PCDHGA6: variants seen among roughly 807,000 people sequenced by gnomAD.
PCDHGA6 encodes protocadherin gamma subfamily A, 6.
Under a neutral mutation model 60.6 loss-of-function variants are expected in PCDHGA6, and 41 were observed. The ratio of observed to expected loss-of-function variants is 0.68; its 90% CI spans 0.53 to 0.88. PCDHGA6 has a LOEUF of 0.88. Among genes scored for constraint, PCDHGA6 ranks in the 40% least tolerant of loss-of-function variants. The pLI is 0.00. For synonymous variants in PCDHGA6, 594 were observed against 524.4 expected (o/e 1.13, Z -1.81); for missense variants, 1,312 against 1,203.0 (o/e 1.09, Z -1.34).
chr5:141,427,628 G>A (rs1308356581), intron 1 of PCDHGA6: 2 of 700,966 alleles, frequency 2.9e-6, no homozygotes, highest in Admixed American at 2.0e-5. Flanking sequence ...ACAATGCTCC[G>A]GTTTTCCACC....
rs769351399 is a variant in PCDHGA6, at chr5:141,432,649, A to G, written c.2424+56142A>G. The G allele has an allele frequency of 6.2e-7, 1 of 1,613,742 alleles. No homozygotes were observed. The highest frequency in any genetic ancestry group is 1.1e-5 in the South Asian group (1 of 91,054). ...ACACGGGCGAGGTGCGCACGGCGCG[A>G]GCCCTGCTGGACAGAGACGCGCTCA... is the stretch of plus-strand genomic sequence containing the variant. On this transcript the variant is annotated intron_variant, in intron 1 of 3. Coordinates refer to ENST00000517434, the MANE Select transcript of PCDHGA6 (RefSeq NM_018919.3). The surrounding 1 kb of genome is among the most constrained non-coding windows in gnomAD (Gnocchi z 6.0).
intron 1 of PCDHGA6, among the ~76,000 whole-genome samples, chr5:141,382,008 T>C (rs2150196645): frequency 6.6e-6 from 1 of 151,992 alleles, no homozygotes; most frequent in Middle Eastern, 3.4e-3. Context: ...TTTGTATTTT[T>C]AGTAGAGACG....
chr5:141,405,059 G>A (rs374581472), intron 1 of PCDHGA6: 22 of 1,613,900 alleles, frequency 1.4e-5, no homozygotes, highest in Non-Finnish European at 1.9e-5. Flanking sequence ...CGTCTCCTGT[G>A]TCTTCCTCAC....
chr5:141,490,417 C>A lies in PCDHGA6; in HGVS notation c.2425-4390C>A, dbSNP rs767996336. ...AGTGAGCCTTGATATCTCTCCGGAC[C>A]TGCCATTTCAGATTAAGCCTTCTGA... On this transcript the variant is annotated intron_variant, in intron 1 of 3. Transcript: ENST00000517434. The surrounding 1 kb of genome is among the most constrained non-coding windows in gnomAD (Gnocchi z 5.4). 4.3e-6 allele frequency: 7 copies of A among 1,614,196 alleles called. No homozygotes were observed. In the South Asian group the frequency reaches 7.7e-5, roughly 18 times the overall value.
chr5:141,446,191 T>C (rs2098492956), intron 1 of PCDHGA6, among the ~76,000 whole-genome samples: 1 of 152,206 alleles, frequency 6.6e-6, no homozygotes, highest in Non-Finnish European at 1.5e-5. Flanking sequence ...TGTTTATTAT[T>C]ATATTCCTAG....
At chr5:141,379,296 G>T (rs537053500) in intron 1 of PCDHGA6, 18 of 152,178 alleles carry the variant, frequency 1.2e-4, no homozygotes, top group African/African-American at 4.1e-4. Flanking sequence ...GTTTCCAAAG[G>T]TATATACCTA....
intron 1 of PCDHGA6, chr5:141,389,710 C>T: frequency 6.2e-7 from 1 of 1,612,586 alleles, no homozygotes; most frequent in Non-Finnish European, 8.5e-7. Flanking sequence ...GTGCTGCAGG[C>T]TAGCGAGCCC....
chr5:141,481,183 G>A (rs2099533234), intron 1 of PCDHGA6, among the ~76,000 whole-genome samples: 1 of 152,146 alleles, frequency 6.6e-6, no homozygotes, highest in African/African-American at 2.4e-5. Flanking sequence ...GCTTTATTGG[G>A]CCAGGCCCAA....
chr5:141,477,438 C>G lies in PCDHGA6; in HGVS notation c.2425-17369C>G. 6.2e-7 allele frequency: 1 copy of G among 1,614,174 alleles called. No homozygotes were observed. Among genetic ancestry groups the G allele is most frequent in the Non-Finnish European group, 8.5e-7 (1 of 1,180,030 alleles). On this transcript the variant is annotated intron_variant, in intron 1 of 3. Coordinates refer to ENST00000517434, the MANE Select transcript of PCDHGA6 (RefSeq NM_018919.3). The surrounding 1 kb of genome is among the most constrained non-coding windows in gnomAD (Gnocchi z 4.9). ...GGAACCCCTTCCCTCTCAGCCCTTACAATAGTGCGTGTTCAAGTGTCCGAC... is the reference window on the plus strand; with the variant it reads ...GGAACCCCTTCCCTCTCAGCCCTTAGAATAGTGCGTGTTCAAGTGTCCGAC...
In PCDHGA6 at chr5:141,391,891, A is replaced by C. The variant is rs140956361; in HGVS notation, c.2424+15384A>C. 7.1e-4 allele frequency: 108 copies of C among 152,338 alleles called. No individual in the cohort carries two copies. In the East Asian group the frequency reaches 0.015, roughly 21 times the overall value. 9.4% of individuals were successfully genotyped at this position (152,338 alleles called of 1,614,324 possible). On this transcript the variant is annotated intron_variant, in intron 1 of 3. Coordinates refer to ENST00000517434, the MANE Select transcript of PCDHGA6 (RefSeq NM_018919.3). ...TCATCTCTTTGGTGAAAGGGATGGG[A>C]TGGAGCTTTGCTTTTTATCATATAT... is the stretch of plus-strand genomic sequence containing the variant.
Position 141,490,772 on chromosome 5 carries a change from C to T in PCDHGA6, c.2425-4035C>T. ...GCCTCCTCCTTTGTGTATGTCAACC[C>T]AGAGGATGGACGGATCTTTGCCCAG... On this transcript the variant is annotated intron_variant, in intron 1 of 3. Coordinates refer to ENST00000517434, the MANE Select transcript of PCDHGA6 (RefSeq NM_018919.3). This position sits in a 1 kb window ranked among gnomAD's most constrained non-coding sequence, Gnocchi z 5.4. 6.2e-7 allele frequency: 1 copy of T among 1,614,164 alleles called. No homozygotes were observed. The highest frequency in any genetic ancestry group is 1.1e-5 in the South Asian group (1 of 91,082).
intron 1 of PCDHGA6, among the ~76,000 whole-genome samples, chr5:141,401,848 T>C (rs1476670200): frequency 6.6e-6 from 1 of 152,230 alleles, no homozygotes; most frequent in Non-Finnish European, 1.5e-5. Flanking sequence ...TACCACTTAC[T>C]TTTAACCTTT....
At chr5:141,379,767 A>G (rs1366813038) in intron 1 of PCDHGA6, 3 of 152,120 alleles carry the variant, frequency 2.0e-5, no homozygotes, top group Non-Finnish European at 4.4e-5. Context: ...CCTGCAATAC[A>G]GATCATTAAT....
intron 1 of PCDHGA6, chr5:141,385,134 G>T (rs774973571): frequency 6.2e-7 from 1 of 1,614,188 alleles, no homozygotes; most frequent in East Asian, 2.2e-5. Flanking sequence ...GCATGGACGG[G>T]GTGCAGGCTT....
At chr5:141,410,886 C>A in intron 1 of PCDHGA6, 1 of 290,056 alleles carries the variant, frequency 3.4e-6, no homozygotes, top group Non-Finnish European at 5.6e-6. Flanking sequence ...TGGAGTCTCG[C>A]ACTGTTGCCT....
At chr5:141,460,981 GTGTATA>G (rs1450537646) in intron 1 of PCDHGA6, among the ~76,000 whole-genome samples, 10 of 121,882 alleles carry the variant, frequency 8.2e-5, no homozygotes, top group African/African-American at 3.1e-4. Flanking sequence ...GTGTGTGTGT[GTGTATA>G]TATATATATG....
intron 1 of PCDHGA6, among the ~76,000 whole-genome samples, chr5:141,425,919 G>A (rs11167745): frequency 2.0e-5 from 3 of 152,174 alleles, no homozygotes; most frequent in East Asian, 1.9e-4. Flanking sequence ...CAGTCACTAC[G>A]AAAACTCATA....
chr5:141,408,728 C>A lies in PCDHGA6; in HGVS notation c.2424+32221C>A, dbSNP rs371316574. 3.7e-6 allele frequency: 6 copies of A among 1,610,174 alleles called. No individual in the cohort carries two copies. In the African/African-American group the frequency reaches 8.0e-5, roughly 22 times the overall value. ...TAAAGATTATAAGATAAACTCTAATCCTTATTTTTCATTAATGGTTAGAGT... is the reference window on the plus strand; with the variant it reads ...TAAAGATTATAAGATAAACTCTAATACTTATTTTTCATTAATGGTTAGAGT... On this transcript the variant is annotated intron_variant, in intron 1 of 3. Transcript: ENST00000517434.
intron 1 of PCDHGA6, chr5:141,389,522 G>T (rs983186726): frequency 5.0e-6 from 8 of 1,613,060 alleles, no homozygotes; most frequent in Middle Eastern, 3.3e-4. Flanking sequence ...ACGTGAGCCT[G>T]CGCGTGTTAG....
Sources: allele counts gnomAD v4.1 joint callset (sites outside exome capture counted in the v4.1 genomes callset), GRCh38; gene constraint gnomAD v4.1.1; non-coding constraint Gnocchi (gnomAD v3.1); transcripts MANE v1.5; gene names NCBI Gene and HGNC (gene_info 2026-07-23, HGNC 2026-07-21).